Variants in CKAP5 observed in about 807,000 individuals in gnomAD.
CKAP5 encodes the protein cytoskeleton-associated protein 5.
A neutral mutation model predicts 232.8 loss-of-function variants in CKAP5; 27 were observed. That is an observed-to-expected ratio of 0.12 (90% CI 0.09 to 0.16). The LOEUF (loss-of-function observed/expected upper bound fraction) is 0.16, where lower values mean the gene tolerates loss of function less well. Ranked by LOEUF, CKAP5 falls within the 10% of genes least tolerant of loss-of-function variation. The probability of loss-of-function intolerance (pLI) is 1.00; values close to 1 mark genes in which losing one functional copy is unlikely to be tolerated. For synonymous variants in CKAP5, 785 were observed against 841.1 expected (o/e 0.93, Z 1.16); for missense variants, 1,838 against 2,424.7 (o/e 0.76, Z 5.08).
chr11:46,801,437 AG>A, intron 8 of CKAP5, 133 bp from the exon 9 acceptor site: 1 of 599,798 alleles, frequency 1.7e-6, no homozygotes, highest in East Asian at 3.4e-5. Flanking sequence ...TGGGAGGCCA[AG>A]GTGGGTGGAC....
intron 17 of CKAP5, among the ~76,000 whole-genome samples, chr11:46,784,190 G>A (rs1425047346): frequency 1.3e-5 from 2 of 151,886 alleles, no homozygotes; most frequent in East Asian, 2.0e-4. Flanking sequence ...CCAACGTGGC[G>A]AAATCCTGTC....
chr11:46,809,275 C>G, intron 7 of CKAP5, 125 bp downstream of exon 7: 1 of 630,058 alleles, frequency 1.6e-6, no homozygotes, highest in African/African-American at 1.9e-5. Flanking sequence ...GCAACTAACT[C>G]ACTCTACTAG....
chr11:46,810,021 A>C, intron 5 of CKAP5, 147 bp from the exon 6 acceptor site: 1 of 766,702 alleles, frequency 1.3e-6, no homozygotes, highest in Non-Finnish European at 2.0e-6. Flanking sequence ...ACCCAGGCTG[A>C]AGTGCAGTGG....
intron 11 of CKAP5, 109 bp from the exon 12 acceptor site, chr11:46,797,049 A>T: frequency 8.2e-7 from 1 of 1,220,168 alleles, no homozygotes; most frequent in Admixed American, 2.0e-5. Context: ...TTTACAATTT[A>T]CTGGAACTAA....
intron 1 of CKAP5, among the ~76,000 whole-genome samples, chr11:46,825,068 A>C (rs1939622122): frequency 6.6e-6 from 1 of 152,220 alleles, no homozygotes; most frequent in Non-Finnish European, 1.5e-5. Context: ...TGTCTTCCTA[A>C]GAGCTCAAAT....
intron 5 of CKAP5, 134 bp downstream of exon 5, chr11:46,810,855 TTGCTGAGAAAGTTAGCTA>T: frequency 3.1e-6 from 2 of 644,754 alleles, no homozygotes; most frequent in Non-Finnish European, 4.9e-6. Context: ...CCCAAGAGAA[TTGCTGAGAAAGTTAGCTA>T]TGCTCAGAAA....
At chr11:46,806,575 T>G (rs180705163) in intron 8 of CKAP5, among the ~76,000 whole-genome samples, 62 of 152,340 alleles carry the variant, frequency 4.1e-4, no homozygotes, top group Middle Eastern at 6.8e-3. Flanking sequence ...TAATTTATTT[T>G]ACACGAGTGT....
At position 46,770,870 on chromosome 11, in the gene CKAP5, C is replaced by T. The variant is rs747693923; in HGVS notation, c.3104G>A (p.Arg1035Gln). 3 of 1,614,104 alleles carry T rather than the reference C, an allele frequency of 1.9e-6. No homozygotes were observed. The highest frequency in any genetic ancestry group is 3.3e-5 in the Admixed American group (2 of 60,010). The change falls in exon 25 of 44, where the codon CGA (arginine) becomes CAA (glutamine). Residue 1035 changes from arginine to glutamine, a missense_variant. Transcript: ENST00000529230. ...TGGCAAGGCATCTTGGGCCTTCTTTCGCACATCTCCATTTCGATCTTCTAG... is the reference window on the plus strand; with the variant it reads ...TGGCAAGGCATCTTGGGCCTTCTTTTGCACATCTCCATTTCGATCTTCTAG... ...SCLEDRNGDV[R>Q]KKAQDALPFF...
At position 46,794,013 on chromosome 11, in the gene CKAP5, G is replaced by A. The variant is rs191895108; in HGVS notation, c.1650+1581C>T. On this transcript the variant is annotated intron_variant, in intron 13 of 43. Transcript: ENST00000529230. ...GTACCAAGGCGGTTTAATGGGGAAA[G>A]GACAGTCTATTCAACAAATGGTGCT... Among the ~76,000 whole-genome samples, 246 of 152,216 alleles carry A rather than the reference G, an allele frequency of 1.6e-3. 1 individual carries two copies. Among genetic ancestry groups the A allele is most frequent in the Non-Finnish European group, 3.1e-3 (212 of 68,022 alleles).
chr11:46,760,396 A>C, intron 33 of CKAP5: 1 of 684,502 alleles, frequency 1.5e-6, no homozygotes, highest in Non-Finnish European at 2.7e-6. Flanking sequence ...AAAAGCAGTG[A>C]AAGAAGGCAC....
At chr11:46,807,500 C>G (rs1393808174) in intron 8 of CKAP5, among the ~76,000 whole-genome samples, 2 of 152,010 alleles carry the variant, frequency 1.3e-5, no homozygotes, top group African/African-American at 2.4e-5. Flanking sequence ...TCTATACTTA[C>G]AGTTTTCATA....
intron 11 of CKAP5, among the ~76,000 whole-genome samples, chr11:46,797,570 C>A (rs1938909266): frequency 6.6e-6 from 1 of 152,078 alleles, no homozygotes; most frequent in Non-Finnish European, 1.5e-5. Context: ...GTATATGGGA[C>A]AAGTAAGAAA....
chr11:46,835,168 T>C (rs1473561907), intron 1 of CKAP5, among the ~76,000 whole-genome samples: 1 of 152,090 alleles, frequency 6.6e-6, no homozygotes, highest in Non-Finnish European at 1.5e-5. Flanking sequence ...GAATAGAATC[T>C]GTTTGAGAGA....
intron 13 of CKAP5, among the ~76,000 whole-genome samples, chr11:46,794,580 G>A (rs1167706039): frequency 1.3e-5 from 2 of 152,234 alleles, no homozygotes; most frequent in African/African-American, 2.4e-5. Flanking sequence ...GCTCATGCCT[G>A]TAACCTCAGC....
intron 8 of CKAP5, among the ~76,000 whole-genome samples, chr11:46,803,809 T>G (rs943449709): frequency 2.0e-5 from 3 of 152,168 alleles, no homozygotes; most frequent in Admixed American, 2.0e-4. Flanking sequence ...AAGAAAAAAA[T>G]TTTCCATTCA....
At chr11:46,770,282 G>A in intron 25 of CKAP5, 184 bp from the exon 26 acceptor site, 4 of 629,590 alleles carry the variant, frequency 6.4e-6, no homozygotes. Context: ...ACTAAGGTAG[G>A]TATCATTCTA....
rs1939508963 is a variant in CKAP5, at chr11:46,820,913, A to G, written c.57+262T>C. The stretch of plus-strand genomic sequence containing the variant: ...ATTGTACTGTATATACAAGGAGATG[A>G]AAAAACTAGCCAGTTACTTTTCATA... On this transcript the variant is annotated intron_variant, in intron 2 of 43. Transcript: ENST00000529230. 3 of 407,014 alleles carry G rather than the reference A, an allele frequency of 7.4e-6. No individual in the cohort carries two copies. In the South Asian group the frequency reaches 9.7e-5, roughly 13 times the overall value. The allele number at this position is 407,014 out of a possible 1,614,324, so 25.2% of individuals were successfully genotyped here. A position where few individuals can be genotyped will look rare whatever the true frequency, so the allele number is the denominator to read the frequency against.
chr11:46,822,476 G>A (rs1033968934), intron 1 of CKAP5, among the ~76,000 whole-genome samples: 14 of 152,036 alleles, frequency 9.2e-5, no homozygotes, highest in Non-Finnish European at 1.6e-4. Flanking sequence ...TATGGGGGTC[G>A]GGTGTGGTGG....
chr11:46,777,690 C>T (rs72895819), intron 22 of CKAP5, 138 bp from the exon 23 acceptor site: 39 of 593,440 alleles, frequency 6.6e-5, no homozygotes, highest in Non-Finnish European at 1.1e-4. Context: ...GCTTGTCATG[C>T]TATTCGACTT....
Sources: allele counts gnomAD v4.1 joint callset (sites outside exome capture counted in the v4.1 genomes callset), GRCh38; gene constraint gnomAD v4.1.1; transcripts MANE v1.5; gene names NCBI Gene and HGNC (gene_info 2026-07-23, HGNC 2026-07-21).